The following ZC3H4 variants were observed in gnomAD, a reference collection of about 807,000 sequenced individuals.
The protein encoded by ZC3H4 is zinc finger CCCH domain-containing protein 4.
Under a neutral mutation model 108.3 loss-of-function variants are expected in ZC3H4, and 13 were observed. The observed-to-expected ratio is 0.12, with a 90% CI of 0.08 to 0.19. ZC3H4 has a LOEUF of 0.19. ZC3H4 is among the 10% of genes least tolerant of loss of function. The pLI, the probability that ZC3H4 is intolerant of heterozygous loss-of-function variation, is 1.00. For synonymous variants in ZC3H4, 917 were observed against 749.6 expected (o/e 1.22, Z -3.65); for missense variants, 1,734 against 1,838.8 (o/e 0.94, Z 1.04).
intron 11 of ZC3H4, among the ~76,000 whole-genome samples, chr19:47,077,700 A>G (rs1333213804): frequency 6.6e-6 from 1 of 151,836 alleles, no homozygotes; most frequent in Admixed American, 6.6e-5. Context: ...TACTAAAAAC[A>G]CAAAAAATGA....
chr19:47,110,161 A>T (rs1301056941), intron 2 of ZC3H4, among the ~76,000 whole-genome samples: 1 of 152,104 alleles, frequency 6.6e-6, no homozygotes, highest in Non-Finnish European at 1.5e-5. Context: ...ACCACAAGAG[A>T]CATTGGAGTA....
chr19:47,076,199 C>T (rs968675295), intron 11 of ZC3H4, among the ~76,000 whole-genome samples: 3 of 152,204 alleles, frequency 2.0e-5, no homozygotes, highest in Admixed American at 6.5e-5. Flanking sequence ...ACAGATCATC[C>T]GCTCAGTGGG....
Position 47,084,428 on chromosome 19 carries a change from G to A in ZC3H4, c.1135C>T (p.Arg379Cys), listed in dbSNP as rs1218186124. The part of the protein sequence containing the change: ...GDGGGGSYRS[R>C]DHDKPHQQSD... ...TGCTGGTGGGGCTTGTCATGGTCAC[G>A]ACTCCGGTAGCTTCCACCACCACCG... The change falls in exon 9 of 15, where the codon CGT becomes TGT. Residue 379 changes from arginine (R) to cysteine (C), a missense_variant. Coordinates refer to ENST00000253048, the MANE Select transcript of ZC3H4 (RefSeq NM_015168.2). The A allele has an allele frequency of 1.5e-5, 25 of 1,614,192 alleles. No individual in the cohort carries two copies. Among genetic ancestry groups the A allele is most frequent in the Non-Finnish European group, 2.1e-5 (25 of 1,180,044 alleles).
At chr19:47,071,105 C>T (rs1220982350) in intron 13 of ZC3H4, among the ~76,000 whole-genome samples, 1 of 152,204 alleles carries the variant, frequency 6.6e-6, no homozygotes, top group African/African-American at 2.4e-5. Flanking sequence ...GCCTTCTGGC[C>T]CACCGCCACG....
chr19:47,072,222 C>T lies in ZC3H4; in HGVS notation c.1803-101G>A. 7.1e-7 allele frequency: 1 copy of T among 1,403,142 alleles called. No homozygotes were observed. The highest frequency in any genetic ancestry group is 9.6e-7 in the Non-Finnish European group (1 of 1,043,102). 86.9% of individuals were successfully genotyped at this position (1,403,142 alleles called of 1,614,324 possible). On this transcript the variant is annotated intron_variant, in intron 12 of 14. Coordinates refer to ENST00000253048, the MANE Select transcript of ZC3H4 (RefSeq NM_015168.2). This position sits in a 1 kb window ranked among gnomAD's most constrained non-coding sequence, Gnocchi z 5.6. ...GGCTGCAGAGCCGAAGGTCATGGGC[C>T]CCAGACCAGGACTCCCACAGCTGGG...
At chr19:47,097,030 C>T (rs2057832777) in intron 2 of ZC3H4, 1 of 980,788 alleles carries the variant, frequency 1.0e-6, no homozygotes, top group African/African-American at 1.7e-5. Context: ...ACATCTAACA[C>T]CTGCGGGCAG....
At chr19:47,083,310 TAAAA>T (rs918816929) in intron 9 of ZC3H4, among the ~76,000 whole-genome samples, 11 of 122,058 alleles carry the variant, frequency 9.0e-5, no homozygotes, top group African/African-American at 3.0e-4. Context: ...TAAAAAAAAT[TAAAA>T]AAAAAAAAAG....
intron 6 of ZC3H4, among the ~76,000 whole-genome samples, chr19:47,085,929 T>A (rs1185911485): frequency 6.6e-6 from 1 of 152,166 alleles, no homozygotes; most frequent in Non-Finnish European, 1.5e-5. Context: ...AGTGGTGCGA[T>A]CTCGGCTCAC....
At chr19:47,073,890 G>T (rs2057373173) in intron 11 of ZC3H4, among the ~76,000 whole-genome samples, 1 of 152,124 alleles carries the variant, frequency 6.6e-6, no homozygotes, top group Non-Finnish European at 1.5e-5. Context: ...GTTTTTTATG[G>T]CTGAATCATA....
Position 47,086,472 on chromosome 19 carries a change from A to C in ZC3H4, c.782T>G (p.Met261Arg). 1 of 1,611,004 alleles carries C rather than the reference A, an allele frequency of 6.2e-7. No individual in the cohort carries two copies. Residue 261 changes from methionine to arginine, a missense_variant, in exon 6 of 15, where the codon ATG (methionine) becomes AGG (arginine). Met to Arg is a moderately conservative substitution (Grantham distance 91, BLOSUM62 -1). Coordinates refer to ENST00000253048, the MANE Select transcript of ZC3H4 (RefSeq NM_015168.2). ...GSRGGSRGRGMGRGSRGRGRG... is the reference protein window; with the variant it reads ...GSRGGSRGRGRGRGSRGRGRG... ...GCCCCTGCCTCGGCTGCCCCTGCCC[A>C]TGCCGCGGCCTCGCGATCCTCCACG...
intron 11 of ZC3H4, among the ~76,000 whole-genome samples, chr19:47,073,139 A>G (rs1337086889): frequency 2.0e-5 from 3 of 151,752 alleles, no homozygotes; most frequent in Admixed American, 1.3e-4. Flanking sequence ...CAGGCATGGT[A>G]GTGCACGCCT....
At chr19:47,089,737 G>C (rs894048308) in intron 5 of ZC3H4, among the ~76,000 whole-genome samples, 2 of 152,118 alleles carry the variant, frequency 1.3e-5, no homozygotes, top group Non-Finnish European at 2.9e-5. Flanking sequence ...GTGACCTTTC[G>C]GGCACGCTGG....
At chr19:47,068,675 A>G (rs964861896) in intron 14 of ZC3H4, among the ~76,000 whole-genome samples, 1 of 152,206 alleles carries the variant, frequency 6.6e-6, no homozygotes, top group African/African-American at 2.4e-5. Flanking sequence ...GCAGCAACTG[A>G]GACTCGGTGG....
At position 47,071,897 on chromosome 19, in the gene ZC3H4, G is replaced by A; in HGVS notation, c.2027C>T (p.Pro676Leu). 6.2e-7 allele frequency: 1 copy of A among 1,612,400 alleles called. No homozygotes were observed. Among genetic ancestry groups the A allele is most frequent in the Non-Finnish European group, 8.5e-7 (1 of 1,179,240 alleles). The part of the protein sequence containing the change: ...PGGPPMMPYG[P>L]GDSPHSGMMP... ...CATTCCAGAATGTGGGGAGTCTCCA[G>A]GGCCGTAGGGCATCATTGGAGGGCC... is the stretch of plus-strand genomic sequence containing the variant. Residue 676 changes from proline (P) to leucine (L), a missense_variant, in exon 13 of 15, where the codon CCT becomes CTT. Transcript: ENST00000253048.
At chr19:47,084,313 C>CCAG (rs1374656482) in intron 9 of ZC3H4, 32 bp downstream of exon 9, 1 of 1,608,694 alleles carries the variant, frequency 6.2e-7, no homozygotes, top group Admixed American at 1.7e-5. Context: ...GCTATGGCCT[C>CCAG]CTAGAGGTGC....
intron 2 of ZC3H4, chr19:47,097,062 A>C (rs1057171773): frequency 2.3e-6 from 2 of 886,068 alleles, no homozygotes; most frequent in Non-Finnish European, 2.7e-6. Context: ...CCATTCAAGG[A>C]ACTCCAAGAG....
chr19:47,066,353 A>G lies in ZC3H4; in HGVS notation c.*3T>C. On this transcript the variant is annotated 3_prime_UTR_variant, in exon 15 of 15. Transcript: ENST00000253048. ...TGGCTGGAGCCGCAGCTCTGGCTGG[A>G]CACTACTGGCAAAAGGGGGAGGCCG... is the stretch of plus-strand genomic sequence containing the variant. 6.5e-7 allele frequency: 1 copy of G among 1,530,924 alleles called. No homozygotes were observed. The highest frequency in any genetic ancestry group is 1.3e-5 in the South Asian group (1 of 78,340). 94.8% of individuals were successfully genotyped at this position (1,530,924 alleles called of 1,614,324 possible).
chr19:47,108,960 A>C (rs1342385143), intron 2 of ZC3H4, among the ~76,000 whole-genome samples: 1 of 152,232 alleles, frequency 6.6e-6, no homozygotes, highest in Non-Finnish European at 1.5e-5. Context: ...TGGTCACAAC[A>C]GACTTTTTTT....
chr19:47,103,842 G>A (rs1028615603), intron 2 of ZC3H4, among the ~76,000 whole-genome samples: 1 of 152,020 alleles, frequency 6.6e-6, no homozygotes, highest in Non-Finnish European at 1.5e-5. Flanking sequence ...TACTCAGGAG[G>A]CTGAGGCAGG....
Sources: allele counts gnomAD v4.1 joint callset (sites outside exome capture counted in the v4.1 genomes callset), GRCh38; gene constraint gnomAD v4.1.1; non-coding constraint Gnocchi (gnomAD v3.1); transcripts MANE v1.5; gene names NCBI Gene and HGNC (gene_info 2026-07-23, HGNC 2026-07-21).